Variants in LRBA observed in about 807,000 individuals in gnomAD.
The protein encoded by LRBA is LPS responsive beige-like anchor protein.
A neutral mutation model predicts 330.0 loss-of-function variants in LRBA; 176 were observed. The ratio of observed to expected loss-of-function variants is 0.53; its 90% CI spans 0.47 to 0.60. LRBA has a LOEUF of 0.60. Among genes scored for constraint, LRBA ranks in the 20% least tolerant of loss-of-function variants. The pLI, the probability that LRBA is intolerant of heterozygous loss-of-function variation, is 0.00. For synonymous variants in LRBA, 1,230 were observed against 1,193.0 expected (o/e 1.03, Z -0.64); for missense variants, 3,259 against 3,444.8 (o/e 0.95, Z 1.35).
At chr4:150,453,760 T>C (rs899885739) in intron 44 of LRBA, among the ~76,000 whole-genome samples, 1 of 152,018 alleles carries the variant, frequency 6.6e-6, no homozygotes, top group Non-Finnish European at 1.5e-5. Context: ...AGCTCACAGG[T>C]TGGGAACAAC....
intron 40 of LRBA, among the ~76,000 whole-genome samples, chr4:150,559,711 T>G (rs1176295986): frequency 1.1e-5 from 1 of 90,448 alleles, no homozygotes; most frequent in African/African-American, 4.6e-5. Context: ...TATTATATAA[T>G]ATTATAGATT....
At chr4:150,624,205 G>A (rs1355605060) in intron 37 of LRBA, among the ~76,000 whole-genome samples, 2 of 151,566 alleles carry the variant, frequency 1.3e-5, no homozygotes, top group Admixed American at 6.6e-5. Flanking sequence ...AAATATACAT[G>A]TTTGAAACCC....
intron 47 of LRBA, among the ~76,000 whole-genome samples, chr4:150,354,230 T>C (rs976815733): frequency 1.3e-5 from 2 of 152,128 alleles, no homozygotes; most frequent in Non-Finnish European, 2.9e-5. Context: ...TTTTATATAT[T>C]AAGATTTTTT....
intron 2 of LRBA, among the ~76,000 whole-genome samples, chr4:150,962,990 TAAATA>T (rs761073050): frequency 6.7e-4 from 83 of 123,872 alleles, no homozygotes; most frequent in Admixed American, 1.2e-3. Context: ...GAAATAAAAA[TAAATA>T]AAATAAAATA....
intron 56 of LRBA, among the ~76,000 whole-genome samples, chr4:150,271,807 A>G (rs1239943702): frequency 6.6e-6 from 1 of 152,116 alleles, no homozygotes; most frequent in Non-Finnish European, 1.5e-5. Flanking sequence ...CTGCCTCTCT[A>G]GATTCCTCCT....
At chr4:150,640,363 A>G (rs1210901332) in intron 37 of LRBA, among the ~76,000 whole-genome samples, 1 of 152,194 alleles carries the variant, frequency 6.6e-6, no homozygotes, top group Non-Finnish European at 1.5e-5. Context: ...TGACCTATAT[A>G]TAAATACAAG....
intron 39 of LRBA, among the ~76,000 whole-genome samples, chr4:150,589,040 TACACACACACACACACACAC>T (rs10637563): frequency 6.8e-6 from 1 of 146,756 alleles, no homozygotes; most frequent in African/African-American, 2.6e-5. Context: ...TGTGTGTGTA[TACACACACACACACACACAC>T]ACACACACAC....
intron 47 of LRBA, among the ~76,000 whole-genome samples, chr4:150,387,187 T>C (rs1378688277): frequency 6.6e-6 from 1 of 152,146 alleles, no homozygotes; most frequent in Non-Finnish European, 1.5e-5. Context: ...GCAAAAATTT[T>C]CCCCCATTCC....
chr4:150,934,445 A>T (rs1009603503), intron 2 of LRBA, among the ~76,000 whole-genome samples: 2 of 152,140 alleles, frequency 1.3e-5, no homozygotes, highest in Non-Finnish European at 2.9e-5. Context: ...CATTCAACAC[A>T]CTTTTACTGA....
At chr4:150,713,077 C>CA (rs765278763) in intron 36 of LRBA, among the ~76,000 whole-genome samples, 13 of 152,152 alleles carry the variant, frequency 8.5e-5, no homozygotes, top group Non-Finnish European at 4.4e-5. Flanking sequence ...GCCAAGACTA[C>CA]AGGCATGTGC....
chr4:150,441,344 C>T (rs1751814745), intron 44 of LRBA, among the ~76,000 whole-genome samples: 1 of 151,986 alleles, frequency 6.6e-6, no homozygotes, highest in South Asian at 2.1e-4. Context: ...ACTTTAAGAA[C>T]ATAATCAAAA....
chr4:150,477,214 G>C (rs547980424), intron 42 of LRBA, among the ~76,000 whole-genome samples: 1 of 152,214 alleles, frequency 6.6e-6, no homozygotes, highest in Non-Finnish European at 1.5e-5. Flanking sequence ...ATATTTTCAT[G>C]TTTAAAAACT....
chr4:150,805,356 A>AAAAGG (rs1300445582), intron 33 of LRBA, among the ~76,000 whole-genome samples: 77 of 112,734 alleles, frequency 6.8e-4, no homozygotes, highest in Non-Finnish European at 5.1e-4. Context: ...AGAAGGAAAG[A>AAAAGG]AAAGGAAAGG....
At chr4:150,612,060 G>T (rs1187810525) in intron 37 of LRBA, among the ~76,000 whole-genome samples, 1 of 152,098 alleles carries the variant, frequency 6.6e-6, no homozygotes, top group African/African-American at 2.4e-5. Context: ...AAGCCACCAT[G>T]CCAGGGGAAT....
chr4:150,627,800 TAA>T (rs1777000706), intron 37 of LRBA, among the ~76,000 whole-genome samples: 1 of 152,070 alleles, frequency 6.6e-6, no homozygotes, highest in African/African-American at 2.4e-5. Context: ...TTTTTTGCCC[TAA>T]TATTTAGGAA....
At chr4:150,488,731 C>A (rs548832522) in intron 41 of LRBA, among the ~76,000 whole-genome samples, 79 of 136,608 alleles carry the variant, frequency 5.8e-4, no homozygotes, top group South Asian at 4.7e-3. Context: ...TTCTTCTCTA[C>A]CAACCCTTAA....
At chr4:150,861,343 C>T (rs2126958789) in intron 22 of LRBA, among the ~76,000 whole-genome samples, 1 of 150,692 alleles carries the variant, frequency 6.6e-6, no homozygotes, top group Middle Eastern at 3.4e-3. Flanking sequence ...CCAGGCTGGT[C>T]TCAAATTCCT....
chr4:150,829,318 C>T (rs918724123), intron 29 of LRBA, among the ~76,000 whole-genome samples: 5 of 152,164 alleles, frequency 3.3e-5, no homozygotes, highest in East Asian at 1.9e-4. Context: ...ACCCCTTCTA[C>T]GTGCATAAAT....
chr4:150,905,915 T>G lies in LRBA; in HGVS notation c.1678A>C (p.Asn560His), dbSNP rs758805499. 20 of 1,613,548 alleles carry G rather than the reference T, an allele frequency of 1.2e-5. No individual in the cohort carries two copies. The highest frequency in any genetic ancestry group is 3.3e-5 in the Admixed American group (2 of 59,976). ...AATTGCTTGAGCAGGGGCATCCCAT[T>G]CTGCAGATTACTCAGATATTTTGAA... Reference protein sequence around the residue: ...AFSKYLSNLQNGMPLLKQLCD... With the variant: ...AFSKYLSNLQHGMPLLKQLCD... The change falls in exon 13 of 57, where the codon AAT becomes CAT. Residue 560 changes from asparagine (N) to histidine (H), a missense_variant. Transcript: ENST00000651943.
Sources: gnomAD v4.1 joint callset for allele counts (sites outside exome capture counted in the v4.1 genomes callset) on GRCh38, gnomAD v4.1.1 for gene constraint, MANE v1.5 for transcripts, NCBI Gene and HGNC (gene_info 2026-07-23, HGNC 2026-07-21) for gene names.